GSE1: variants seen among roughly 807,000 people sequenced by gnomAD.
The protein encoded by GSE1 is Gse1 coiled-coil protein, also known as genetic suppressor element 1.
Under a neutral mutation model 112.6 loss-of-function variants are expected in GSE1, and 32 were observed. The ratio of observed to expected loss-of-function variants is 0.28; its 90% CI spans 0.21 to 0.38. The LOEUF is 0.38. Among genes scored for constraint, GSE1 ranks in the 10% least tolerant of loss-of-function variants. The probability of loss-of-function intolerance (pLI) is 1.00; values close to 1 mark genes in which losing one functional copy is unlikely to be tolerated. For missense variants in GSE1, 2,348 were observed against 1,699.2 expected (o/e 1.38, Z -6.71); for synonymous variants, 1,115 against 735.6 (o/e 1.52, Z -8.35).
chr16:85,524,728 G>A (rs2151164889), intron 2 of GSE1, among the ~76,000 whole-genome samples: 1 of 152,252 alleles, frequency 6.6e-6, no homozygotes, highest in South Asian at 2.1e-4. Flanking sequence ...GAGGGCACCG[G>A]GGCCAGTCAA....
chr16:85,298,548 C>T (rs184175103), intron 1 of GSE1, among the ~76,000 whole-genome samples: 2 of 152,352 alleles, frequency 1.3e-5, no homozygotes, highest in East Asian at 3.9e-4. Flanking sequence ...CTGCTTCGGC[C>T]TCCCAAGTAG....
intron 12 of GSE1, among the ~76,000 whole-genome samples, chr16:85,665,576 G>T (rs540386151): frequency 1.4e-5 from 2 of 139,800 alleles, no homozygotes; most frequent in African/African-American, 2.5e-5. Context: ...GGCACCTGCC[G>T]CCACACCTTT....
chr16:85,335,163 C>T (rs982375507), intron 1 of GSE1, among the ~76,000 whole-genome samples: 3 of 152,242 alleles, frequency 2.0e-5, no homozygotes, highest in African/African-American at 7.2e-5. Flanking sequence ...CACAGCCCAG[C>T]CAGGGAACCT....
At chr16:85,204,807 GC>G (rs2075087052) in intron 1 of GSE1, among the ~76,000 whole-genome samples, 1 of 152,128 alleles carries the variant, frequency 6.6e-6, no homozygotes, top group Admixed American at 6.5e-5. Flanking sequence ...TGCCAGGCCT[GC>G]CCCCCAGTCC....
intron 1 of GSE1, among the ~76,000 whole-genome samples, chr16:85,201,544 C>G (rs762141161): frequency 1.1e-4 from 16 of 151,414 alleles, no homozygotes; most frequent in Non-Finnish European, 2.4e-4. Flanking sequence ...CCCAGCTACT[C>G]GGGAGGCTAA....
At chr16:85,425,570 G>A (rs959571723) in intron 2 of GSE1, among the ~76,000 whole-genome samples, 8 of 152,190 alleles carry the variant, frequency 5.3e-5, no homozygotes, top group Non-Finnish European at 8.8e-5. Context: ...ACGCTTTGGC[G>A]GAGACTGAGC....
chr16:85,463,178 G>A lies in GSE1; in HGVS notation c.2464+105535G>A, dbSNP rs892453491. ...ACGGGAGGGTGGGGGGTCCGGGATG[G>A]AACTTTCTGGGGCGCGCCACCCACC... On this transcript the variant is annotated intron_variant, in intron 2 of 2. Transcript: ENST00000637419. 28 of 909,706 alleles carry A rather than the reference G, an allele frequency of 3.1e-5. No individual in the cohort carries two copies. The African/African-American group carries it at 5.0e-4, about 16-fold the overall frequency. 56.4% of individuals were successfully genotyped at this position (909,706 alleles called of 1,614,324 possible).
intron 1 of GSE1, among the ~76,000 whole-genome samples, chr16:85,289,825 C>T (rs1035460714): frequency 6.6e-5 from 10 of 152,158 alleles, no homozygotes; most frequent in African/African-American, 2.4e-4. Context: ...GGCTGGGGGG[C>T]TCCTTCATGT....
intron 2 of GSE1, among the ~76,000 whole-genome samples, chr16:85,547,765 G>A (rs1181086582): frequency 1.3e-5 from 2 of 151,422 alleles, no homozygotes; most frequent in Non-Finnish European, 2.9e-5. Flanking sequence ...CCTGTAATCA[G>A]CTACTTGGGA....
chr16:85,627,570 G>A (rs1260853804), intron 1 of GSE1, among the ~76,000 whole-genome samples: 1 of 152,036 alleles, frequency 6.6e-6, no homozygotes, highest in Non-Finnish European at 1.5e-5. Flanking sequence ...TAAATAAGAG[G>A]GTGGGGGCCT....
chr16:85,562,869 T>C (rs1475230918), intron 1 of GSE1, among the ~76,000 whole-genome samples: 4 of 152,338 alleles, frequency 2.6e-5, no homozygotes, highest in South Asian at 2.1e-4. Flanking sequence ...CCTTAGACTT[T>C]TGGGGAGACT....
chr16:85,553,049 C>CT (rs11431375), upstream of GSE1, among the ~76,000 whole-genome samples: 43,920 of 149,892 alleles, frequency 0.29, 7,010 homozygotes, highest in South Asian at 0.44. Context: ...AAATAGTTTT[C>CT]TTTTTTTTTT....
At chr16:85,300,871 C>T (rs1274755653) in intron 1 of GSE1, among the ~76,000 whole-genome samples, 2 of 152,204 alleles carry the variant, frequency 1.3e-5, no homozygotes, top group Non-Finnish European at 2.9e-5. Context: ...GGACTCACGC[C>T]CCATACCTTG....
chr16:85,500,855 C>T (rs1445130955), intron 2 of GSE1, among the ~76,000 whole-genome samples: 2 of 152,194 alleles, frequency 1.3e-5, no homozygotes, highest in Non-Finnish European at 2.9e-5. Context: ...GATCCTTCTT[C>T]GCCCCTTCCA....
At chr16:85,466,346 G>C (rs2050120109) in intron 2 of GSE1, among the ~76,000 whole-genome samples, 1 of 152,210 alleles carries the variant, frequency 6.6e-6, no homozygotes, top group South Asian at 2.1e-4. Context: ...GTGGCCCCCA[G>C]GACCCCCTGG....
At chr16:85,511,446 T>G (rs1323611162) in intron 2 of GSE1, among the ~76,000 whole-genome samples, 1 of 151,248 alleles carries the variant, frequency 6.6e-6, no homozygotes, top group Non-Finnish European at 1.5e-5. Flanking sequence ...GAGAATCGCT[T>G]GAACCCAGGA....
rs544502746 is a variant in GSE1, at chr16:85,352,133, G to A, written c.2284-5330G>A. On this transcript the variant is annotated intron_variant, in intron 1 of 2. Transcript: ENST00000637419. Reference sequence around the variant, plus strand: ...CACACATACAGTCTTCCTCTTTGGAGCAGGGATGTGGCGTCTGTCTTCCCC... The same window carrying A: ...CACACATACAGTCTTCCTCTTTGGAACAGGGATGTGGCGTCTGTCTTCCCC... Among the ~76,000 whole-genome samples, 8 of 152,282 alleles carry A rather than the reference G, an allele frequency of 5.3e-5. No homozygotes were observed. The South Asian group carries it at 1.7e-3, about 32-fold the overall frequency.
At chr16:85,416,295 G>C (rs2048700720) in intron 2 of GSE1, among the ~76,000 whole-genome samples, 1 of 152,252 alleles carries the variant, frequency 6.6e-6, no homozygotes, top group African/African-American at 2.4e-5. Flanking sequence ...CTGGAGGAGG[G>C]AGGGGCCCGG....
intron 2 of GSE1, among the ~76,000 whole-genome samples, chr16:85,367,166 G>A (rs1317123709): frequency 6.6e-6 from 1 of 152,230 alleles, no homozygotes; most frequent in African/African-American, 2.4e-5. Flanking sequence ...GTGGGTTTAC[G>A]CGGTTTGAAG....
Sources: gnomAD v4.1 joint callset for allele counts (sites outside exome capture counted in the v4.1 genomes callset) on GRCh38, gnomAD v4.1.1 for gene constraint, MANE v1.5 for transcripts, NCBI Gene and HGNC (gene_info 2026-07-23, HGNC 2026-07-21) for gene names.